Variants in TPRN observed in about 807,000 individuals in gnomAD.
TPRN encodes the protein taperin.
TPRN carries 32 observed loss-of-function variants against 42.6 expected under a neutral mutation model. That is an observed-to-expected ratio of 0.75 (90% CI 0.57 to 1.01). TPRN has a LOEUF of 1.01. Ranked by LOEUF, TPRN falls within the 50% of genes least tolerant of loss-of-function variation. The pLI, the probability that TPRN is intolerant of heterozygous loss-of-function variation, is 0.00. For missense variants in TPRN, 1,095 were observed against 957.5 expected (o/e 1.14, Z -1.90); for synonymous variants, 541 against 445.6 (o/e 1.21, Z -2.70).
Position 137,192,616 on chromosome 9 carries a change from C to T in TPRN, c.1801G>A (p.Glu601Lys), listed in dbSNP as rs1195961679. The change falls in exon 2 of 4, where the codon GAA becomes AAA. Residue 601 changes from glutamate (E) to lysine (K), a missense_variant. Physicochemically the swap from Glu to Lys is moderately conservative, Grantham distance 56. Coordinates refer to ENST00000409012, the MANE Select transcript of TPRN (RefSeq NM_001128228.3). The part of the protein sequence containing the change: ...YPSESSLEQE[E>K]EVDQQEEEEE... ...TCCTCCTCCTGCTGGTCCACCTCTTCCTCCTGCTCTAGGGAGCTCTCGGAA... is the reference window on the plus strand; with the variant it reads ...TCCTCCTCCTGCTGGTCCACCTCTTTCTCCTGCTCTAGGGAGCTCTCGGAA... The T allele has an allele frequency of 1.1e-5, 18 of 1,613,724 alleles. No homozygotes were observed. The highest frequency in any genetic ancestry group is 1.6e-4 in the Middle Eastern group (1 of 6,084).
Position 137,199,456 on chromosome 9 carries a change from G to A in TPRN, c.1256C>T (p.Pro419Leu), listed in dbSNP as rs149753507. The change falls in exon 1 of 4, where the codon CCG (proline) becomes CTG (leucine). Residue 419 changes from proline (P) to leucine (L), a missense_variant. Transcript: ENST00000409012. ...RAIRWQRPSS[P>L]PPFLPAASEE... ...CGAAGCAGCCGGCAGGAAGGGGGGC[G>A]GTGAGGACGGCCTCTGCCACCTAAT... is the stretch of plus-strand genomic sequence containing the variant. 3,760 of 1,604,472 alleles carry A rather than the reference G, an allele frequency of 2.3e-3. 15 individuals are homozygous for A. The highest frequency in any genetic ancestry group is 9.6e-3 in the South Asian group (864 of 90,016).
rs1349683656 is a variant in TPRN, at chr9:137,200,376, GGCGGGCGGC to G, written c.327_335del (p.Pro111_Pro113del). The G allele has an allele frequency of 3.6e-5, 39 of 1,079,220 alleles. No homozygotes were observed. Among genetic ancestry groups the G allele is most frequent in the Non-Finnish European group, 3.9e-5 (35 of 894,302 alleles). The allele number at this position is 1,079,220 out of a possible 1,614,324, so 66.9% of individuals were successfully genotyped here. A position where few individuals can be genotyped will look rare whatever the true frequency, so the allele number is the denominator to read the frequency against. ...CGGCGCGGATCTGCGCGGCCCCCGG[GGCGGGCGGC>G]GCGGGCGGGAAGCCGGGCACCGTCT... On this transcript the variant is annotated inframe_deletion, in exon 1 of 4. Coordinates refer to ENST00000409012, the MANE Select transcript of TPRN (RefSeq NM_001128228.3). This position sits in a 1 kb window ranked among gnomAD's most constrained non-coding sequence, Gnocchi z 4.3.
chr9:137,198,310 C>T (rs1834737316), intron 1 of TPRN, among the ~76,000 whole-genome samples: 1 of 152,220 alleles, frequency 6.6e-6, no homozygotes, highest in Non-Finnish European at 1.5e-5. Context: ...CCAGAGGATT[C>T]CAGGCCACTG....
intron 1 of TPRN, among the ~76,000 whole-genome samples, chr9:137,195,839 G>A (rs1289126685): frequency 6.6e-6 from 1 of 152,142 alleles, no homozygotes; most frequent in African/African-American, 2.4e-5. Flanking sequence ...GTGTGAGGAT[G>A]AGAATGGGTG....
rs1388877134 is a variant in TPRN at position 137,200,032 on chromosome 9, G to A, written c.680C>T (p.Ala227Val). 27 of 1,441,338 alleles carry A rather than the reference G, an allele frequency of 1.9e-5. No homozygotes were observed. The highest frequency in any genetic ancestry group is 2.4e-5 in the Non-Finnish European group (26 of 1,104,016). 89.3% of individuals were successfully genotyped at this position (1,441,338 alleles called of 1,614,324 possible). Residue 227 changes from alanine (A) to valine (V), a missense_variant, in exon 1 of 4, where the codon GCC becomes GTC. By Grantham distance (64) the Ala-to-Val change is moderately conservative. Coordinates refer to ENST00000409012, the MANE Select transcript of TPRN (RefSeq NM_001128228.3). The surrounding 1 kb of genome is among the most constrained non-coding windows in gnomAD (Gnocchi z 4.3). Reference protein sequence around the residue: ...GARLLSNGHSAPEPRAGPANR... With the variant: ...GARLLSNGHSVPEPRAGPANR... Reference sequence around the variant, plus strand: ...GGCAGGGCCGGCCCGGGGCTCAGGGGCCGAGTGCCCGTTGGAGAGCAGGCG... The same window carrying A: ...GGCAGGGCCGGCCCGGGGCTCAGGGACCGAGTGCCCGTTGGAGAGCAGGCG...
At chr9:137,193,469 T>C (rs2131349517) in intron 1 of TPRN, 1 of 152,718 alleles carries the variant, frequency 6.5e-6, no homozygotes, top group Non-Finnish European at 1.5e-5. Flanking sequence ...TCTGAGCAAA[T>C]TCTTTCCTTC....
In TPRN at chr9:137,199,902, G is replaced by C; in HGVS notation, c.810C>G (p.Ala270=). 6.6e-7 allele frequency: 1 copy of C among 1,517,354 alleles called. No individual in the cohort carries two copies. The highest frequency in any genetic ancestry group is 8.9e-7 in the Non-Finnish European group (1 of 1,128,698). The allele number at this position is 1,517,354 out of a possible 1,614,324, so 94.0% of individuals were successfully genotyped here. ...HPPPSPGTPS[A]TPASPPASAT... is the part of the protein sequence containing the mutation. ...CACTGGCAGGGGGTGAGGCTGGAGTGGCACTCGGGGTCCCGGGGCTGGGGG... is the reference window on the plus strand; with the variant it reads ...CACTGGCAGGGGGTGAGGCTGGAGTCGCACTCGGGGTCCCGGGGCTGGGGG... The change falls in exon 1 of 4, where the codon GCC becomes GCG. Residue 270 remains alanine (A), a synonymous_variant. Coordinates refer to ENST00000409012, the MANE Select transcript of TPRN (RefSeq NM_001128228.3).
At position 137,191,969 on chromosome 9, in the gene TPRN, C is replaced by T. The variant is rs1422655997; in HGVS notation, c.*143G>A. On this transcript the variant is annotated 3_prime_UTR_variant, in exon 4 of 4. Transcript: ENST00000409012. ...ACCTGGCCCCGATGGCAGGAGGCAC[C>T]CTAGCTGCTTCCAGGGCCAGGAGGG... is the stretch of plus-strand genomic sequence containing the variant. The T allele has an allele frequency of 8.5e-6, 9 of 1,060,338 alleles. No individual in the cohort carries two copies. Among genetic ancestry groups the T allele is most frequent in the Middle Eastern group, 2.8e-4 (1 of 3,534 alleles). The allele number at this position is 1,060,338 out of a possible 1,614,324, so 65.7% of individuals were successfully genotyped here. A position where few individuals can be genotyped will look rare whatever the true frequency, so the allele number is the denominator to read the frequency against.
chr9:137,196,782 T>G (rs1332780929), intron 1 of TPRN, among the ~76,000 whole-genome samples: 1 of 152,132 alleles, frequency 6.6e-6, no homozygotes, highest in East Asian at 1.9e-4. Flanking sequence ...GCCCCACGCC[T>G]CTGTCCCCTC....
chr9:137,195,551 G>C (rs952098408), intron 1 of TPRN, among the ~76,000 whole-genome samples: 1 of 152,246 alleles, frequency 6.6e-6, no homozygotes, highest in African/African-American at 2.4e-5. Flanking sequence ...GGTGTCAGTA[G>C]GAAGGGCAGA....
rs1444409656 is a variant in TPRN, at chr9:137,199,548, G to A, written c.1164C>T (p.Val388=). The A allele has an allele frequency of 9.0e-6, 14 of 1,561,768 alleles. No individual in the cohort carries two copies. In the East Asian group the frequency reaches 3.4e-4, roughly 38 times the overall value. ...APALGKSPLE[V]EAQWAVEEGA... ...CCTCCTCGACTGCCCACTGTGCCTC[G>A]ACCTCCAGGGGGCTCTTCCCGAGGG... is the stretch of plus-strand genomic sequence containing the variant. Residue 388 remains valine, a synonymous_variant, in exon 1 of 4, where the codon GTC becomes GTT. Coordinates refer to ENST00000409012, the MANE Select transcript of TPRN (RefSeq NM_001128228.3).
At chr9:137,197,782 G>A (rs567240577) in intron 1 of TPRN, among the ~76,000 whole-genome samples, 8 of 152,280 alleles carry the variant, frequency 5.3e-5, no homozygotes, top group Admixed American at 2.0e-4. Flanking sequence ...GGCGAGGGTC[G>A]GGGAGATAGA....
chr9:137,196,510 C>G (rs1038917604), intron 1 of TPRN, among the ~76,000 whole-genome samples: 1 of 152,300 alleles, frequency 6.6e-6, no homozygotes, highest in Admixed American at 6.5e-5. Context: ...TCGCTTGAAC[C>G]CTGGGAGATG....
In TPRN at chr9:137,199,392, G is replaced by C. The variant is rs150751181; in HGVS notation, c.1320C>G (p.Gly440=). Residue 440 remains glycine (G), a synonymous_variant, in exon 1 of 4, where the codon GGC becomes GGG. Coordinates refer to ENST00000409012, the MANE Select transcript of TPRN (RefSeq NM_001128228.3). Reference sequence around the variant, plus strand: ...CATATTCCCGGCTATTCTTGGCCAAGCCAGGAACCCTGAGGCCCTCAGCAG... The same window carrying C: ...CATATTCCCGGCTATTCTTGGCCAACCCAGGAACCCTGAGGCCCTCAGCAG... ...AEPAEGLRVP[G]LAKNSREYVR... The C allele has an allele frequency of 9.9e-6, 16 of 1,612,712 alleles. No individual in the cohort carries two copies. The highest frequency in any genetic ancestry group is 1.2e-5 in the Non-Finnish European group (14 of 1,179,972).
chr9:137,199,178 G>C lies in TPRN; in HGVS notation c.1534C>G (p.Leu512Val). Residue 512 changes from leucine to valine, a missense_variant, in exon 1 of 4, where the codon CTG becomes GTG. Physicochemically the swap from Leu to Val is conservative, Grantham distance 32. Coordinates refer to ENST00000409012, the MANE Select transcript of TPRN (RefSeq NM_001128228.3). ...TVVPKRKPGT[L>V]QDQHFSQANR... ...GCCTGACTGAAGTGCTGGTCCTGCA[G>C]AGTCCCTGGCTTCCTCTTGGGCACC... 6.2e-7 allele frequency: 1 copy of C among 1,613,258 alleles called. No homozygotes were observed. Among genetic ancestry groups the C allele is most frequent in the Non-Finnish European group, 8.5e-7 (1 of 1,180,028 alleles).
At chr9:137,195,341 G>C (rs1424197495) in intron 1 of TPRN, among the ~76,000 whole-genome samples, 1 of 152,246 alleles carries the variant, frequency 6.6e-6, no homozygotes, top group Non-Finnish European at 1.5e-5. Flanking sequence ...CGTCCAGGCC[G>C]CTCCTGGGGT....
Position 137,199,228 on chromosome 9 carries a change from G to A in TPRN, c.1484C>T (p.Pro495Leu). The change falls in exon 1 of 4, where the codon CCC becomes CTC. Residue 495 changes from proline (P) to leucine (L), a missense_variant. Pro to Leu is a moderately conservative substitution (Grantham distance 98). Coordinates refer to ENST00000409012, the MANE Select transcript of TPRN (RefSeq NM_001128228.3). Reference sequence around the variant, plus strand: ...CACTGTGAAGGTGTTGCTGCCCCGGGGCTGAAGCTCTGCCACGCACCCGGG... The same window carrying A: ...CACTGTGAAGGTGTTGCTGCCCCGGAGCTGAAGCTCTGCCACGCACCCGGG... ...ARPGCVAELQ[P>L]RGSNTFTVVP... 1 of 1,613,034 alleles carries A rather than the reference G, an allele frequency of 6.2e-7. No individual in the cohort carries two copies. The highest frequency in any genetic ancestry group is 8.5e-7 in the Non-Finnish European group (1 of 1,179,998).
intron 1 of TPRN, chr9:137,193,211 G>A: frequency 5.8e-6 from 1 of 173,266 alleles, no homozygotes; most frequent in South Asian, 1.3e-4. Context: ...CTGGATGCCT[G>A]GACAATCCAG....
At position 137,200,356 on chromosome 9, in the gene TPRN, C is replaced by T. The variant is rs1231603473; in HGVS notation, c.356G>A (p.Arg119His). 9.6e-7 allele frequency: 1 copy of T among 1,044,922 alleles called. No homozygotes were observed. The highest frequency in any genetic ancestry group is 1.1e-6 in the Non-Finnish European group (1 of 874,584). 64.7% of individuals were successfully genotyped at this position (1,044,922 alleles called of 1,614,324 possible). A position where few individuals can be genotyped will look rare whatever the true frequency, so the allele number is the denominator to read the frequency against. The change falls in exon 1 of 4, where the codon CGC becomes CAC. Residue 119 changes from arginine to histidine, a missense_variant. Arg to His is a conservative substitution (Grantham distance 29). Coordinates refer to ENST00000409012, the MANE Select transcript of TPRN (RefSeq NM_001128228.3). The surrounding 1 kb of genome is among the most constrained non-coding windows in gnomAD (Gnocchi z 4.3). ...CCCGTACACCAGCACCTCGGCGGCG[C>T]GGATCTGCGCGGCCCCCGGGGCGGG... ...APPAPGAAQI[R>H]AAEVLVYGAP...
Sources: gnomAD v4.1 joint callset for allele counts (sites outside exome capture counted in the v4.1 genomes callset) on GRCh38, gnomAD v4.1.1 for gene constraint, Gnocchi (gnomAD v3.1) non-coding constraint, MANE v1.5 for transcripts, NCBI Gene and HGNC (gene_info 2026-07-23, HGNC 2026-07-21) for gene names.